UBE4B: variants seen among roughly 807,000 people sequenced by gnomAD.
UBE4B encodes ubiquitination factor E4B.
UBE4B carries 27 observed loss-of-function variants against 148.1 expected under a neutral mutation model. The observed-to-expected ratio is 0.18, with a 90% CI of 0.13 to 0.25. The LOEUF is 0.25. UBE4B is among the 10% of genes least tolerant of loss of function. The pLI is 1.00. For synonymous variants in UBE4B, 596 were observed against 619.3 expected, an observed-to-expected ratio of 0.96 and a Z score of 0.56; for missense variants, 1,170 against 1,662.4, an observed-to-expected ratio of 0.70 and a Z score of 5.15.
At chr1:10,139,761 G>C (rs1471238949) in intron 17 of UBE4B, among the ~76,000 whole-genome samples, 1 of 151,988 alleles carries the variant, frequency 6.6e-6, no homozygotes, top group Non-Finnish European at 1.5e-5. Context: ...TGTTGCCCAG[G>C]CTTGTTGCCC....
At chr1:10,174,637 G>A (rs959222181) in intron 25 of UBE4B, among the ~76,000 whole-genome samples, 4 of 151,612 alleles carry the variant, frequency 2.6e-5, no homozygotes, top group African/African-American at 9.7e-5. Context: ...GGGAGGTGGA[G>A]GTTGCAGTGA....
At chr1:10,107,337 G>A (rs1468846085) in intron 7 of UBE4B, 19 of 1,289,282 alleles carry the variant, frequency 1.5e-5, no homozygotes, top group Non-Finnish European at 1.9e-5. Flanking sequence ...AGGTGGTGGT[G>A]GTGGTGATGA....
intron 17 of UBE4B, among the ~76,000 whole-genome samples, chr1:10,139,736 G>A (rs1212615988): frequency 6.6e-6 from 1 of 152,072 alleles, no homozygotes; most frequent in African/African-American, 2.4e-5. Flanking sequence ...TAGTTTTTGA[G>A]AGGAGGTTCA....
intron 21 of UBE4B, among the ~76,000 whole-genome samples, chr1:10,157,684 A>G (rs971295840): frequency 6.6e-6 from 1 of 152,098 alleles, no homozygotes; most frequent in African/African-American, 2.4e-5. Context: ...AGGCTGAGGC[A>G]GGAGAATTGC....
intron 7 of UBE4B, among the ~76,000 whole-genome samples, chr1:10,107,560 TTTTC>T (rs1306556748): frequency 1.3e-4 from 20 of 151,068 alleles, no homozygotes; most frequent in East Asian, 7.8e-4. Context: ...AATTTTCTTT[TTTTC>T]TTTCTTTCTT....
At chr1:10,140,612 G>A (rs757698451) in intron 17 of UBE4B, among the ~76,000 whole-genome samples, 2 of 152,086 alleles carry the variant, frequency 1.3e-5, no homozygotes, top group Admixed American at 6.6e-5. Context: ...AGTCACTCCC[G>A]CTGGCTTTAG....
chr1:10,039,447 TG>T (rs1393600930), intron 1 of UBE4B, among the ~76,000 whole-genome samples: 1 of 152,084 alleles, frequency 6.6e-6, no homozygotes, highest in Admixed American at 6.6e-5. Flanking sequence ...TGTTGTTTTT[TG>T]GGACAGAATC....
At chr1:10,152,881 A>C (rs562328945) in intron 21 of UBE4B, among the ~76,000 whole-genome samples, 1 of 151,810 alleles carries the variant, frequency 6.6e-6, no homozygotes, top group Non-Finnish European at 1.5e-5. Flanking sequence ...TGGGGACCCA[A>C]GGGAAGAGCC....
intron 14 of UBE4B, 87 bp downstream of exon 14, chr1:10,130,900 A>C (rs1365777579): frequency 8.3e-7 from 1 of 1,202,806 alleles, no homozygotes; most frequent in Non-Finnish European, 1.2e-6. Flanking sequence ...GACTATGCCC[A>C]GTAGACAAAC....
At chr1:10,120,918 T>C (rs970767015) in intron 9 of UBE4B, among the ~76,000 whole-genome samples, 5 of 152,220 alleles carry the variant, frequency 3.3e-5, no homozygotes, top group African/African-American at 9.6e-5. Flanking sequence ...TTATGTTATT[T>C]TGTATGCCAT....
chr1:10,059,508 C>A, intron 1 of UBE4B: 1 of 217,156 alleles, frequency 4.6e-6, no homozygotes, highest in Admixed American at 4.1e-5. Context: ...AAGGGGCCAT[C>A]ATGGAGCTGA....
Position 10,132,353 on chromosome 1 carries a change from TA to T in UBE4B, c.1912-11del. ...ATAGTTTTAATTTGTTTCTTCTTTT[TA>T]AAAATAAATTTCAGCAAGAGCTTTT... is the stretch of plus-strand genomic sequence containing the variant. On this transcript the variant is annotated splice_polypyrimidine_tract_variant and intron_variant, in intron 14 of 27. Coordinates refer to ENST00000343090, the MANE Select transcript of UBE4B (RefSeq NM_001105562.3). 6.3e-7 allele frequency: 1 copy of T among 1,597,778 alleles called. No individual in the cohort carries two copies. The highest frequency in any genetic ancestry group is 8.5e-7 in the Non-Finnish European group (1 of 1,170,818).
rs149899336 is a variant in UBE4B, at chr1:10,151,530, G to A, written c.2895G>A (p.Leu965=). ...MIENHPLSTK[L]LVPSLMKFYT... ...AGAACCATCCTCTCTCCACCAAGTTGTTGGTACCTTCCCTGATGAAGTTTT... is the reference window on the plus strand; with the variant it reads ...AGAACCATCCTCTCTCCACCAAGTTATTGGTACCTTCCCTGATGAAGTTTT... Residue 965 remains leucine, a synonymous_variant, in exon 21 of 28, where the codon TTG becomes TTA. Coordinates refer to ENST00000343090, the MANE Select transcript of UBE4B (RefSeq NM_001105562.3). 265 of 1,614,156 alleles carry A rather than the reference G, an allele frequency of 1.6e-4. 1 individual carries two copies. The African/African-American group carries it at 3.1e-3, about 19-fold the overall frequency.
intron 1 of UBE4B, among the ~76,000 whole-genome samples, chr1:10,048,788 G>A (rs2101788615): frequency 6.6e-6 from 1 of 152,264 alleles, no homozygotes; most frequent in African/African-American, 2.4e-5. Context: ...AGAGGGGAGG[G>A]AGCTCAGGAG....
Position 10,033,385 on chromosome 1 carries a change from G to A in UBE4B, c.-286G>A. On this transcript the variant is annotated 5_prime_UTR_variant, in exon 1 of 28. It adds an upstream start codon to the 5' untranslated region. Coordinates refer to ENST00000343090, the MANE Select transcript of UBE4B (RefSeq NM_001105562.3). Reference sequence around the variant, plus strand: ...TAACCTGGGAAGCAGAGGGTAATAAGTGGCGCCTTAAGACAACCCTGTAGC... The same window carrying A: ...TAACCTGGGAAGCAGAGGGTAATAAATGGCGCCTTAAGACAACCCTGTAGC... The A allele has an allele frequency of 3.0e-6, 1 of 333,058 alleles. No homozygotes were observed. Among genetic ancestry groups the A allele is most frequent in the East Asian group, 4.5e-5 (1 of 22,116 alleles). The allele number at this position is 333,058 out of a possible 1,614,324, so 20.6% of individuals were successfully genotyped here. A position where few individuals can be genotyped will look rare whatever the true frequency, so the allele number is the denominator to read the frequency against.
intron 15 of UBE4B, among the ~76,000 whole-genome samples, chr1:10,133,466 A>G (rs1212190746): frequency 2.0e-5 from 3 of 152,120 alleles, no homozygotes; most frequent in Non-Finnish European, 4.4e-5. Context: ...CATTCTTATC[A>G]TTGTTGTATT....
intron 1 of UBE4B, among the ~76,000 whole-genome samples, chr1:10,061,246 T>G (rs1644279726): frequency 1.3e-5 from 2 of 152,044 alleles, no homozygotes; most frequent in South Asian, 2.1e-4. Flanking sequence ...TTTCTGTAAT[T>G]GTGCAAAACA....
At chr1:10,123,167 AC>A (rs1189724333) in intron 10 of UBE4B, among the ~76,000 whole-genome samples, 75 of 152,118 alleles carry the variant, frequency 4.9e-4, no homozygotes, top group Admixed American at 1.9e-3. Flanking sequence ...GCAGTGGCTC[AC>A]GCCTGTAATC....
At chr1:10,071,576 ACT>A (rs770313149) in intron 1 of UBE4B, among the ~76,000 whole-genome samples, 1 of 152,038 alleles carries the variant, frequency 6.6e-6, no homozygotes, top group Non-Finnish European at 1.5e-5. Context: ...TGACAGAGAG[ACT>A]CTCTCTAAAA....
Sources: allele counts gnomAD v4.1 joint callset (sites outside exome capture counted in the v4.1 genomes callset), GRCh38; gene constraint gnomAD v4.1.1; transcripts MANE v1.5; gene names NCBI Gene and HGNC (gene_info 2026-07-23, HGNC 2026-07-21).